Variants in DIS3L2 observed in about 807,000 individuals in gnomAD.
The protein encoded by DIS3L2 is DIS3 like 3'-5' exoribonuclease 2, also known as DIS3-like exonuclease 2.
DIS3L2 carries 34 observed loss-of-function variants against 97.5 expected under a neutral mutation model. That is an observed-to-expected ratio of 0.35 (90% confidence interval 0.27 to 0.46). The LOEUF (loss-of-function observed/expected upper bound fraction) is 0.46, where lower values mean the gene tolerates loss of function less well. Ranked by LOEUF, DIS3L2 falls within the 20% of genes least tolerant of loss-of-function variation. DIS3L2 has a pLI of 1.00. For synonymous variants in DIS3L2, 435 were observed against 445.2 expected (o/e 0.98, Z 0.29); for missense variants, 1,038 against 1,146.0 (o/e 0.91, Z 1.36).
intron 14 of DIS3L2, among the ~76,000 whole-genome samples, chr2:232,316,130 G>C: frequency 6.6e-6 from 1 of 152,174 alleles, no homozygotes; most frequent in East Asian, 1.9e-4. Context: ...GTGTTCGCGA[G>C]CCCTGGCATG....
At position 232,024,346 on chromosome 2, in the gene DIS3L2, T is replaced by C; in HGVS notation, c.264+16T>C. On this transcript the variant is annotated intron_variant, in intron 4 of 20. Transcript: ENST00000325385. ...TCCTTCCCCGGTAAGTTCAATAAAT[T>C]TATAATAAACTTTATGTCACATTTA... The C allele has an allele frequency of 6.3e-7, 1 of 1,578,426 alleles. No individual in the cohort carries two copies. Among genetic ancestry groups the C allele is most frequent in the Non-Finnish European group, 8.6e-7 (1 of 1,156,246 alleles).
At chr2:232,206,404 G>A (rs1490374595) in intron 9 of DIS3L2, among the ~76,000 whole-genome samples, 1 of 152,190 alleles carries the variant, frequency 6.6e-6, no homozygotes, top group Non-Finnish European at 1.5e-5. Context: ...TAAAACAGCT[G>A]TCTGTCACAA....
At chr2:232,250,915 A>G (rs893542368) in intron 12 of DIS3L2, among the ~76,000 whole-genome samples, 6 of 152,190 alleles carry the variant, frequency 3.9e-5, no homozygotes, top group African/African-American at 1.2e-4. Context: ...GAGTTTCCCA[A>G]TCAGCAGCCC....
intron 5 of DIS3L2, among the ~76,000 whole-genome samples, chr2:232,063,898 A>G (rs1323029172): frequency 6.6e-6 from 1 of 152,004 alleles, no homozygotes; most frequent in Non-Finnish European, 1.5e-5. Context: ...TTTGATAAAT[A>G]TTTCTTGGAT....
At chr2:232,000,622 C>CCTTTCCTTTCCTTTCCTTTT in intron 1 of DIS3L2, among the ~76,000 whole-genome samples, 1 of 95,360 alleles carries the variant, frequency 1.0e-5, no homozygotes, top group African/African-American at 3.1e-5. Context: ...CTTTTCCTTT[C>CCTTTCCTTTCCTTTCCTTTT]CTTTCCTTTC....
At chr2:231,987,795 G>T (rs888109315) in intron 1 of DIS3L2, among the ~76,000 whole-genome samples, 24 of 151,996 alleles carry the variant, frequency 1.6e-4, no homozygotes, top group Non-Finnish European at 8.8e-5. Flanking sequence ...TGTCATAGTT[G>T]TACTTTGGTG....
intron 3 of DIS3L2, among the ~76,000 whole-genome samples, chr2:232,022,634 G>A (rs920017210): frequency 6.6e-6 from 1 of 152,168 alleles, no homozygotes; most frequent in African/African-American, 2.4e-5. Flanking sequence ...GAAATTGTTA[G>A]ACATTTAATT....
At chr2:232,016,745 T>C (rs936611663) in intron 3 of DIS3L2, among the ~76,000 whole-genome samples, 2 of 152,174 alleles carry the variant, frequency 1.3e-5, no homozygotes, top group African/African-American at 4.8e-5. Flanking sequence ...CATAATACTT[T>C]CATTAGTATA....
At chr2:232,047,543 A>G (rs1373199680) in intron 5 of DIS3L2, among the ~76,000 whole-genome samples, 11 of 152,232 alleles carry the variant, frequency 7.2e-5, no homozygotes, top group Non-Finnish European at 1.6e-4. Flanking sequence ...AAAATGATTA[A>G]AATTTTAAAA....
intron 12 of DIS3L2, among the ~76,000 whole-genome samples, chr2:232,253,673 G>A (rs1223056768): frequency 6.6e-6 from 1 of 152,096 alleles, no homozygotes; most frequent in Admixed American, 6.6e-5. Flanking sequence ...GGGCATGGTG[G>A]GGGAGGGAGT....
chr2:232,245,442 C>A (rs12989152), intron 11 of DIS3L2, among the ~76,000 whole-genome samples: 1,814 of 152,318 alleles, frequency 0.012, 17 homozygotes, highest in Non-Finnish European at 0.018. Flanking sequence ...GTGACCCTGG[C>A]AGGAATTAGG....
At chr2:232,168,674 C>A (rs918581849) in intron 9 of DIS3L2, among the ~76,000 whole-genome samples, 1 of 151,998 alleles carries the variant, frequency 6.6e-6, no homozygotes, top group South Asian at 2.1e-4. Context: ...CATCTGTACA[C>A]CTCACCTACC....
At position 232,238,655 on chromosome 2, in the gene DIS3L2, C is replaced by T. The variant is rs973188489; in HGVS notation, c.1317+10C>T. On this transcript the variant is annotated intron_variant, in intron 11 of 20. Coordinates refer to ENST00000325385, the MANE Select transcript of DIS3L2 (RefSeq NM_152383.5). ...CTACTTGGTTCAAAAGGTAAAAATC[C>T]ATCTCTAGTTTCTTTTTTCTTGCTT... is the stretch of plus-strand genomic sequence containing the variant. 1.2e-6 allele frequency: 2 copies of T among 1,605,220 alleles called. No individual in the cohort carries two copies. The highest frequency in any genetic ancestry group is 1.7e-4 in the Middle Eastern group (1 of 6,030).
rs115084681 is a variant in DIS3L2 at position 232,085,238 on chromosome 2, G to C, written c.367-2249G>C. 2.8e-3 allele frequency among the ~76,000 whole-genome samples: 427 copies of C among 152,202 alleles called. 1 individual carries two copies. The highest frequency in any genetic ancestry group is 4.7e-3 in the Non-Finnish European group (317 of 67,996). ...TCCATTATTCTCTCATTTACTTAAC[G>C]AGCTTTCTCATTCTTTCAATATATT... is the stretch of plus-strand genomic sequence containing the variant. On this transcript the variant is annotated intron_variant, in intron 5 of 20. Transcript: ENST00000325385.
In DIS3L2 at chr2:232,024,270, T is replaced by C. The variant is rs1335889966; in HGVS notation, c.211-7T>C. On this transcript the variant is annotated splice_polypyrimidine_tract_variant and splice_region_variant and intron_variant, in intron 3 of 20. Transcript: ENST00000325385. ...GATTTTCACAAACTTTATTTTTTGT[T>C]TTAAAGGGTGTATTGAGAATTAATC... 6.3e-7 allele frequency: 1 copy of C among 1,586,662 alleles called. No individual in the cohort carries two copies. Among genetic ancestry groups the C allele is most frequent in the South Asian group, 1.2e-5 (1 of 84,826 alleles).
Position 232,033,810 on chromosome 2 carries a change from G to A in DIS3L2, c.366+3730G>A, listed in dbSNP as rs541042932. On this transcript the variant is annotated intron_variant, in intron 5 of 20. Coordinates refer to ENST00000325385, the MANE Select transcript of DIS3L2 (RefSeq NM_152383.5). ...TATTGAACCAGCCTTGCATCCCAGG[G>A]ATGAAGCCAACTTGATCGTGGTGGA... 3.3e-5 allele frequency among the ~76,000 whole-genome samples: 5 copies of A among 152,294 alleles called. No individual in the cohort carries two copies. In the South Asian group the frequency reaches 1.0e-3, roughly 32 times the overall value.
chr2:232,029,831 A>G, intron 4 of DIS3L2, 148 bp from the exon 5 acceptor site: 1 of 584,238 alleles, frequency 1.7e-6, no homozygotes, highest in Admixed American at 3.7e-5. Flanking sequence ...TTAGTATTAA[A>G]AAGGTATCAG....
intron 11 of DIS3L2, among the ~76,000 whole-genome samples, chr2:232,247,049 A>G (rs1376544204): frequency 1.3e-5 from 2 of 152,330 alleles, no homozygotes; most frequent in East Asian, 3.9e-4. Context: ...ATTATAATGC[A>G]TTGTCAGATG....
chr2:232,244,772 G>C (rs941135344), intron 11 of DIS3L2, among the ~76,000 whole-genome samples: 3 of 152,166 alleles, frequency 2.0e-5, no homozygotes, highest in African/African-American at 4.8e-5. Flanking sequence ...CAGGTAAGAG[G>C]TCTGAGGAGA....
Sources: gnomAD v4.1 joint callset for allele counts (sites outside exome capture counted in the v4.1 genomes callset) on GRCh38, gnomAD v4.1.1 for gene constraint, MANE v1.5 for transcripts, NCBI Gene and HGNC (gene_info 2026-07-23, HGNC 2026-07-21) for gene names.